The following MEX3D variants were observed in gnomAD, a reference collection of about 807,000 sequenced individuals.
MEX3D encodes RNA-binding protein MEX3D.
A neutral mutation model predicts 6.3 loss-of-function variants in MEX3D; 4 were observed. That is an observed-to-expected ratio of 0.64 (90% CI 0.31 to 1.46). The LOEUF is 1.46. Ranked by LOEUF, MEX3D falls within the 40% of genes most tolerant of loss-of-function variation. The probability of loss-of-function intolerance (pLI) is 0.07; values close to 1 mark genes in which losing one functional copy is unlikely to be tolerated. For synonymous variants in MEX3D, 626 were observed against 494.1 expected, an observed-to-expected ratio of 1.27 and a Z score of -3.54; for missense variants, 1,038 against 994.4, an observed-to-expected ratio of 1.04 and a Z score of -0.59.
chr19:1,566,547 G>A (rs1477438635), intron 1 of MEX3D, among the ~76,000 whole-genome samples: 1 of 152,102 alleles, frequency 6.6e-6, no homozygotes, highest in Admixed American at 6.5e-5. Context: ...GAACCTGGCT[G>A]ATCACTGGCG....
In MEX3D at chr19:1,556,004, G is replaced by C; in HGVS notation, c.1515C>G (p.Ser505Arg). 1.6e-6 allele frequency: 2 copies of C among 1,224,812 alleles called. No homozygotes were observed. Among genetic ancestry groups the C allele is most frequent in the South Asian group, 4.5e-5 (2 of 44,088 alleles). The allele number at this position is 1,224,812 out of a possible 1,614,324, so 75.9% of individuals were successfully genotyped here. The change falls in exon 2 of 2, where the codon AGC becomes AGG. Residue 505 changes from serine to arginine, a missense_variant. Around this residue, in one of 5 missense-constraint regions of MEX3D, gnomAD observed 581 missense variants for 516.2 expected, o/e 1.13. Transcript: ENST00000402693. The surrounding 1 kb of genome is among the most constrained non-coding windows in gnomAD (Gnocchi z 7.5). ...AGTGGCGGGGGGTCCCGGCCCCACT[G>C]CTGCGCCGGGCGCCGGCGGCGGGAG... ...PGPPAAGARR[S>R]SGAGTPRHSP...
In MEX3D at chr19:1,556,038, G is replaced by T; in HGVS notation, c.1481C>A (p.Ala494Asp). ...GGCGCCGGCGGCGGGAGGTCCCGGG[G>T]CTCCGTTGACCGTGGAGCAGCCGCT... ...AFSGCSTVNG[A>D]PGPPAAGARR... is the part of the protein sequence containing the mutation. The change falls in exon 2 of 2, where the codon GCC (alanine) becomes GAC (aspartate). Residue 494 changes from alanine to aspartate, a missense_variant. Physicochemically the swap from Ala to Asp is moderately radical, Grantham distance 126. This residue lies in a region of MEX3D where 581 missense variants were observed against 516.2 expected (regional missense o/e 1.13). Coordinates refer to ENST00000402693, the MANE Select transcript of MEX3D (RefSeq NM_203304.4). This position sits in a 1 kb window ranked among gnomAD's most constrained non-coding sequence, Gnocchi z 7.5. The T allele has an allele frequency of 2.3e-6, 3 of 1,318,478 alleles. No homozygotes were observed. Among genetic ancestry groups the T allele is most frequent in the South Asian group, 1.6e-5 (1 of 61,568 alleles). The allele number at this position is 1,318,478 out of a possible 1,614,324, so 81.7% of individuals were successfully genotyped here.
chr19:1,564,863 A>T (rs1401041100), intron 1 of MEX3D, among the ~76,000 whole-genome samples: 2 of 151,328 alleles, frequency 1.3e-5, no homozygotes, highest in African/African-American at 4.8e-5. Context: ...GTAAAGGGGC[A>T]GGGCCGGGGC....
rs1323470719 is a variant in MEX3D, at chr19:1,556,403, G to C, written c.1116C>G (p.Leu372=). ...CLDLLGAAAS[L]WAKTPNQGRR... is the part of the protein sequence containing the mutation. ...GTCCCTGGTTGGGGGTCTTGGCCCA[G>C]AGGCTGGCGGCCGCCCCGAGCAGGT... Residue 372 remains leucine (L), a synonymous_variant, in exon 2 of 2, where the codon CTC becomes CTG. Transcript: ENST00000402693. The surrounding 1 kb of genome is among the most constrained non-coding windows in gnomAD (Gnocchi z 7.5). The C allele has an allele frequency of 3.2e-6, 5 of 1,570,046 alleles. No individual in the cohort carries two copies. Among genetic ancestry groups the C allele is most frequent in the Non-Finnish European group, 4.3e-6 (5 of 1,165,326 alleles).
chr19:1,565,195 G>A (rs935044846), intron 1 of MEX3D, among the ~76,000 whole-genome samples: 1 of 152,086 alleles, frequency 6.6e-6, no homozygotes, highest in African/African-American at 2.4e-5. Context: ...AGACCAGCCT[G>A]AGCAACAGAG....
In MEX3D at chr19:1,556,943, A is replaced by G. The variant is rs748724755; in HGVS notation, c.596-20T>C. 1.5e-5 allele frequency: 23 copies of G among 1,577,540 alleles called. No homozygotes were observed. The highest frequency in any genetic ancestry group is 2.0e-5 in the Non-Finnish European group (23 of 1,165,572). Reference sequence around the variant, plus strand: ...TGCAGCCTGTCCGGGAGGGAGGGGAAGGACAAGGTGACCCAGAGCCCCCTG... The same window carrying G: ...TGCAGCCTGTCCGGGAGGGAGGGGAGGGACAAGGTGACCCAGAGCCCCCTG... On this transcript the variant is annotated intron_variant, in intron 1 of 1. Transcript: ENST00000402693. The surrounding 1 kb of genome is among the most constrained non-coding windows in gnomAD (Gnocchi z 7.5).
Position 1,567,723 on chromosome 19 carries a change from G to T in MEX3D, c.336C>A (p.Pro112=). ...GGGCCACGGCGGGGGCCAGGGTCGG[G>T]GGCGCGCCGGCCTCAGGTCCGTCGG... ...VPPDGPEAGA[P]PTLAPAVAPG... The change falls in exon 1 of 2, where the codon CCC becomes CCA. Residue 112 remains proline (P), a synonymous_variant. Coordinates refer to ENST00000402693, the MANE Select transcript of MEX3D (RefSeq NM_203304.4). The surrounding 1 kb of genome is among the most constrained non-coding windows in gnomAD (Gnocchi z 6.5). The T allele has an allele frequency of 9.9e-7, 1 of 1,006,306 alleles. No homozygotes were observed. The highest frequency in any genetic ancestry group is 1.2e-6 in the Non-Finnish European group (1 of 836,742). 62.3% of individuals were successfully genotyped at this position (1,006,306 alleles called of 1,614,324 possible).
chr19:1,556,285 C>A lies in MEX3D; in HGVS notation c.1234G>T (p.Gly412Cys), dbSNP rs1379983033. 1 of 1,275,754 alleles carries A rather than the reference C, an allele frequency of 7.8e-7. No individual in the cohort carries two copies. The highest frequency in any genetic ancestry group is 1.6e-5 in the African/African-American group (1 of 62,402). The allele number at this position is 1,275,754 out of a possible 1,614,324, so 79.0% of individuals were successfully genotyped here. Residue 412 changes from glycine (G) to cysteine (C), a missense_variant, in exon 2 of 2, where the codon GGC becomes TGC. By Grantham distance (159) the Gly-to-Cys change is radical. Transcript: ENST00000402693. This position sits in a 1 kb window ranked among gnomAD's most constrained non-coding sequence, Gnocchi z 7.5. ...PEAFYAGSRG[G>C]PSVPDPGPAS... ...GGGCCTGGGTCCGGCACGGAGGGGC[C>A]GCCGCGGCTGCCCGCGTAGAAGGCC... is the stretch of plus-strand genomic sequence containing the variant.
At position 1,555,479 on chromosome 19, in the gene MEX3D, C is replaced by T; in HGVS notation, c.*84G>A. The stretch of plus-strand genomic sequence containing the variant: ...CTCCGCCCCTCGCCCCCTCCCCGTC[C>T]CTCTCCCACCCCGGGTCCCGCCCCG... On this transcript the variant is annotated 3_prime_UTR_variant, in exon 2 of 2. Transcript: ENST00000402693. 6.7e-7 allele frequency: 1 copy of T among 1,503,054 alleles called. No homozygotes were observed. The highest frequency in any genetic ancestry group is 8.9e-7 in the Non-Finnish European group (1 of 1,119,342). The allele number at this position is 1,503,054 out of a possible 1,614,324, so 93.1% of individuals were successfully genotyped here. A position where few individuals can be genotyped will look rare whatever the true frequency, so the allele number is the denominator to read the frequency against.
chr19:1,556,360 TGGCCGTGGGG>T lies in MEX3D; in HGVS notation c.1149_1158del (p.Pro384ArgfsTer78). ...GCCGTGTCCCCGCGGAGGCCGGCCG[TGGCCGTGGGG>T]GGCCGTCGTCCCTGGTTGGGGGTCT... On this transcript the variant is annotated frameshift_variant, in exon 2 of 2. Transcript: ENST00000402693. LOFTEE classifies it low-confidence loss of function (END_TRUNC). The surrounding 1 kb of genome is among the most constrained non-coding windows in gnomAD (Gnocchi z 7.5). 1 of 1,464,546 alleles carries T rather than the reference TGGCCGTGGGG, an allele frequency of 6.8e-7. No homozygotes were observed. Among genetic ancestry groups the T allele is most frequent in the Non-Finnish European group, 8.9e-7 (1 of 1,119,352 alleles). 90.7% of individuals were successfully genotyped at this position (1,464,546 alleles called of 1,614,324 possible). A position where few individuals can be genotyped will look rare whatever the true frequency, so the allele number is the denominator to read the frequency against.
chr19:1,563,667 G>A (rs188448594), intron 1 of MEX3D, among the ~76,000 whole-genome samples: 51 of 152,232 alleles, frequency 3.4e-4, no homozygotes, highest in Non-Finnish European at 6.0e-4. Context: ...CCGGCTGGAG[G>A]GAGACGCCTG....
At chr19:1,566,958 G>A (rs1914856976) in intron 1 of MEX3D, among the ~76,000 whole-genome samples, 1 of 152,146 alleles carries the variant, frequency 6.6e-6, no homozygotes, top group Non-Finnish European at 1.5e-5. Flanking sequence ...GCCCGGTCCC[G>A]TCCCCACCCC....
Position 1,555,278 on chromosome 19 carries a change from C to A in MEX3D, c.*285G>T, listed in dbSNP as rs547292236. ...GGAGGGGTGTCTAAAAATAAGAAAA[C>A]TAAAAAAAGTGCAAGCGGACCTTTT... On this transcript the variant is annotated 3_prime_UTR_variant, in exon 2 of 2. Transcript: ENST00000402693. 99 of 1,534,132 alleles carry A rather than the reference C, an allele frequency of 6.5e-5. 1 individual carries two copies. In the African/African-American group the frequency reaches 1.1e-3, roughly 16 times the overall value.
At chr19:1,560,708 T>A (rs1337740172) in intron 1 of MEX3D, among the ~76,000 whole-genome samples, 2 of 152,130 alleles carry the variant, frequency 1.3e-5, no homozygotes, top group African/African-American at 2.4e-5. Flanking sequence ...CTCCCCTTAC[T>A]CCATCCTGCC....
chr19:1,555,964 C>T lies in MEX3D; in HGVS notation c.1555G>A (p.Glu519Lys). 8.5e-7 allele frequency: 1 copy of T among 1,169,826 alleles called. No individual in the cohort carries two copies. Among genetic ancestry groups the T allele is most frequent in the South Asian group, 3.6e-5 (1 of 27,890 alleles). 72.5% of individuals were successfully genotyped at this position (1,169,826 alleles called of 1,614,324 possible). The stretch of plus-strand genomic sequence containing the variant: ...AGCTCCAGGCGGAGGCCGCCGGGCT[C>T]GGGCAGCGTGGGCGAGTGGCGGGGG... The part of the protein sequence containing the change: ...GTPRHSPTLP[E>K]PGGLRLELPL... Residue 519 changes from glutamate to lysine, a missense_variant, in exon 2 of 2, where the codon GAG becomes AAG. By Grantham distance (56) the Glu-to-Lys change is moderately conservative (BLOSUM62 1). Coordinates refer to ENST00000402693, the MANE Select transcript of MEX3D (RefSeq NM_203304.4).
At chr19:1,566,269 C>T (rs1914836784) in intron 1 of MEX3D, among the ~76,000 whole-genome samples, 1 of 152,332 alleles carries the variant, frequency 6.6e-6, no homozygotes, top group Admixed American at 6.5e-5. Context: ...CCTGACCCTC[C>T]GTGGGTCCCC....
rs1599330797 is a variant in MEX3D, at chr19:1,567,970, G to T, written c.89C>A (p.Pro30His). 3.1e-6 allele frequency: 3 copies of T among 978,246 alleles called. No homozygotes were observed. Among genetic ancestry groups the T allele is most frequent in the Non-Finnish European group, 3.6e-6 (3 of 827,116 alleles). 60.6% of individuals were successfully genotyped at this position (978,246 alleles called of 1,614,324 possible). ...GVGAAGEDPGPGPAPPPEGAQ... is the reference protein window; with the variant it reads ...GVGAAGEDPGHGPAPPPEGAQ... ...GCCCTCGGGCGGGGGCGCAGGTCCG[G>T]GTCCGGGGTCCTCCCCCGCCGCCCC... is the stretch of plus-strand genomic sequence containing the variant. The change falls in exon 1 of 2, where the codon CCC (proline) becomes CAC (histidine). Residue 30 changes from proline (P) to histidine (H), a missense_variant. Pro to His is a moderately conservative substitution (Grantham distance 77). This residue lies in a region of MEX3D where 265 missense variants were observed against 206.3 expected (regional missense o/e 1.28). Transcript: ENST00000402693. The surrounding 1 kb of genome is among the most constrained non-coding windows in gnomAD (Gnocchi z 6.5).
Position 1,556,488 on chromosome 19 carries a change from G to A in MEX3D, c.1031C>T (p.Ala344Val). ...GCTGTCGGGGCCCGCGTCGGTGAAG[G>A]CGCCAGTGCGCAGCGTGATGTGCGC... The part of the protein sequence containing the change: ...IEAHITLRTG[A>V]FTDAGPDSDF... Residue 344 changes from alanine (A) to valine (V), a missense_variant, in exon 2 of 2, where the codon GCC becomes GTC. Physicochemically the swap from Ala to Val is moderately conservative, Grantham distance 64 (BLOSUM62 0). Transcript: ENST00000402693. This position sits in a 1 kb window ranked among gnomAD's most constrained non-coding sequence, Gnocchi z 7.5. The A allele has an allele frequency of 4.4e-6, 7 of 1,603,612 alleles. No individual in the cohort carries two copies. Among genetic ancestry groups the A allele is most frequent in the Non-Finnish European group, 5.9e-6 (7 of 1,177,902 alleles).
chr19:1,562,827 C>G (rs1194879292), intron 1 of MEX3D, among the ~76,000 whole-genome samples: 2 of 152,018 alleles, frequency 1.3e-5, no homozygotes, highest in Non-Finnish European at 2.9e-5. Context: ...CCGGCCTGGC[C>G]AACATGGCGA....
Sources: allele counts gnomAD v4.1 joint callset (sites outside exome capture counted in the v4.1 genomes callset), GRCh38; gene constraint gnomAD v4.1.1; regional missense constraint gnomAD v4.1.1; non-coding constraint Gnocchi (gnomAD v3.1); transcripts MANE v1.5; gene names NCBI Gene and HGNC (gene_info 2026-07-23, HGNC 2026-07-21).